The following PTPRD variants were observed in gnomAD, a reference collection of about 807,000 sequenced individuals.
The protein encoded by PTPRD is receptor-type tyrosine-protein phosphatase delta.
PTPRD carries 34 observed loss-of-function variants against 214.5 expected under a neutral mutation model. The observed-to-expected ratio is 0.16, with a 90% CI of 0.12 to 0.21. PTPRD has a LOEUF of 0.21. Among genes scored for constraint, PTPRD ranks in the 10% least tolerant of loss-of-function variants. PTPRD has a pLI of 1.00. For synonymous variants in PTPRD, 1,128 were observed against 845.7 expected (o/e 1.33, Z -5.79); for missense variants, 2,545 against 2,398.7 (o/e 1.06, Z -1.27).
At chr9:10,235,304 C>T (rs1186118902) in intron 3 of PTPRD, among the ~76,000 whole-genome samples, 3 of 151,950 alleles carry the variant, frequency 2.0e-5, no homozygotes, top group Non-Finnish European at 4.4e-5. Flanking sequence ...CAATGATACA[C>T]CCAGTGTGAA....
rs114156038 is a variant in PTPRD at position 8,951,759 on chromosome 9, C to T, written c.-104+66938G>A. Among the ~76,000 whole-genome samples, 923 of 152,136 alleles carry T rather than the reference C, an allele frequency of 6.1e-3. 7 individuals are homozygous for T. The highest frequency in any genetic ancestry group is 0.022 in the African/African-American group (895 of 41,524). ...TTCCCAACACTATCACCACAGCACCCAAGTTCACCCCAAGTTCTTGTGTGG... is the reference window on the plus strand; with the variant it reads ...TTCCCAACACTATCACCACAGCACCTAAGTTCACCCCAAGTTCTTGTGTGG... On this transcript the variant is annotated intron_variant, in intron 11 of 45. Coordinates refer to ENST00000381196, the MANE Select transcript of PTPRD (RefSeq NM_002839.4).
chr9:10,446,335 A>G (rs1001608771), intron 2 of PTPRD, among the ~76,000 whole-genome samples: 2 of 151,930 alleles, frequency 1.3e-5, no homozygotes, highest in African/African-American at 4.8e-5. Context: ...GGAATATTCA[A>G]AGGAGTTAGG....
At chr9:8,512,097 A>G (rs2097694416) in intron 21 of PTPRD, among the ~76,000 whole-genome samples, 2 of 152,130 alleles carry the variant, frequency 1.3e-5, no homozygotes, top group South Asian at 2.1e-4. Flanking sequence ...CAAAGATACT[A>G]GAAAACCCAT....
In PTPRD at chr9:8,316,611, A is replaced by C; in HGVS notation, c.*1263T>G. ...GACCTTTCCCACATGCACACCTCTTAGCTATTTAATAATAATTTTTATTGC... is the reference window on the plus strand; with the variant it reads ...GACCTTTCCCACATGCACACCTCTTCGCTATTTAATAATAATTTTTATTGC... On this transcript the variant is annotated 3_prime_UTR_variant, in exon 46 of 46. Transcript: ENST00000381196. 4.3e-6 allele frequency: 1 copy of C among 230,898 alleles called. No individual in the cohort carries two copies. The highest frequency in any genetic ancestry group is 8.6e-6 in the Non-Finnish European group (1 of 116,334). The allele number at this position is 230,898 out of a possible 1,614,324, so 14.3% of individuals were successfully genotyped here.
chr9:10,418,474 C>T (rs2098515402), intron 2 of PTPRD, among the ~76,000 whole-genome samples: 1 of 150,264 alleles, frequency 6.7e-6, no homozygotes, highest in Non-Finnish European at 1.5e-5. Context: ...CACACACACA[C>T]ACACACACAC....
In PTPRD at chr9:9,564,884, G is replaced by GTTTTTTTTTT. The variant is rs1191664969; in HGVS notation, c.-237+9838_-237+9847dup. 7.6e-4 allele frequency among the ~76,000 whole-genome samples: 37 copies of GTTTTTTTTTT among 48,856 alleles called. 7 individuals are homozygous for GTTTTTTTTTT. The highest frequency in any genetic ancestry group is 1.1e-3 in the African/African-American group (16 of 14,410). The allele number at this position is 48,856 out of a possible 152,430, so 32.1% of individuals were successfully genotyped here. A position where few individuals can be genotyped will look rare whatever the true frequency, so the allele number is the denominator to read the frequency against. On this transcript the variant is annotated intron_variant, in intron 8 of 45. Coordinates refer to ENST00000381196, the MANE Select transcript of PTPRD (RefSeq NM_002839.4). Reference sequence around the variant, plus strand: ...AACAAAAGAGAGACTTGAATCTTCTGTTTTTTTTTTTTTTTTTTTTTTTTT... The same window carrying GTTTTTTTTTT: ...AACAAAAGAGAGACTTGAATCTTCTGTTTTTTTTTTTTTTTTTTTTTTTTTTTTTTTTTTT...
chr9:10,295,329 C>A (rs1038164387), intron 3 of PTPRD, among the ~76,000 whole-genome samples: 1 of 152,008 alleles, frequency 6.6e-6, no homozygotes, highest in Non-Finnish European at 1.5e-5. Context: ...TCAGTTTCAC[C>A]CAAACTATAG....
chr9:10,100,736 G>T (rs1591191520), intron 3 of PTPRD, among the ~76,000 whole-genome samples: 1 of 151,734 alleles, frequency 6.6e-6, no homozygotes, highest in African/African-American at 2.4e-5. Context: ...CCTCGTAAGT[G>T]TCATGTTCTG....
At chr9:9,136,731 T>G (rs2099851538) in intron 10 of PTPRD, among the ~76,000 whole-genome samples, 2 of 152,146 alleles carry the variant, frequency 1.3e-5, no homozygotes, top group Admixed American at 6.5e-5. Flanking sequence ...GTAGATAAAT[T>G]TCTTGAAAAA....
chr9:8,545,834 T>C (rs952646650), intron 14 of PTPRD, among the ~76,000 whole-genome samples: 38 of 152,332 alleles, frequency 2.5e-4, no homozygotes, highest in African/African-American at 6.7e-4. Flanking sequence ...ATTATAGACA[T>C]ACTTTATGGT....
chr9:9,980,826 T>G (rs2095519906), intron 4 of PTPRD, among the ~76,000 whole-genome samples: 1 of 148,698 alleles, frequency 6.7e-6, no homozygotes, highest in Non-Finnish European at 1.5e-5. Flanking sequence ...TTATAGGTAG[T>G]TCACAGAAAA....
chr9:10,486,457 T>C (rs896200131), intron 2 of PTPRD, among the ~76,000 whole-genome samples: 1 of 152,190 alleles, frequency 6.6e-6, no homozygotes, highest in African/African-American at 2.4e-5. Context: ...CCATTGCTTG[T>C]TTTGGGCAGG....
At chr9:9,171,500 G>T (rs999591504) in intron 10 of PTPRD, among the ~76,000 whole-genome samples, 1 of 151,540 alleles carries the variant, frequency 6.6e-6, no homozygotes, top group African/African-American at 2.4e-5. Flanking sequence ...TGATTGAAGG[G>T]GTCTTAAATT....
intron 2 of PTPRD, among the ~76,000 whole-genome samples, chr9:10,585,611 T>C (rs2073631986): frequency 6.6e-6 from 1 of 152,064 alleles, no homozygotes; most frequent in Non-Finnish European, 1.5e-5. Flanking sequence ...TAATGTTTTA[T>C]ACGTTGCTTT....
chr9:10,600,264 A>G (rs79228149), intron 2 of PTPRD, among the ~76,000 whole-genome samples: 3,383 of 151,864 alleles, frequency 0.022, 125 homozygotes, highest in African/African-American at 0.076. Context: ...TAAATATTAA[A>G]AAAAGTTTTC....
At chr9:8,405,991 TTC>T (rs2130705091) in intron 35 of PTPRD, among the ~76,000 whole-genome samples, 1 of 152,264 alleles carries the variant, frequency 6.6e-6, no homozygotes, top group Admixed American at 6.5e-5. Context: ...CATTCTAAAA[TTC>T]TCAGCAGTAC....
intron 3 of PTPRD, among the ~76,000 whole-genome samples, chr9:10,185,231 T>C (rs1283477733): frequency 6.6e-6 from 1 of 152,174 alleles, no homozygotes; most frequent in Non-Finnish European, 1.5e-5. Context: ...ATTTACTACA[T>C]TTAATGAGAG....
intron 5 of PTPRD, among the ~76,000 whole-genome samples, chr9:9,912,768 C>A (rs989625630): frequency 6.6e-6 from 1 of 152,118 alleles, no homozygotes; most frequent in South Asian, 2.1e-4. Flanking sequence ...CCTAGACTAT[C>A]CAGATGTAAA....
intron 8 of PTPRD, among the ~76,000 whole-genome samples, chr9:9,499,795 G>C (rs1292057269): frequency 6.6e-6 from 1 of 151,998 alleles, no homozygotes; most frequent in Non-Finnish European, 1.5e-5. Flanking sequence ...CAAAAACAGT[G>C]CCTGATTTCT....
Sources: allele counts gnomAD v4.1 joint callset (sites outside exome capture counted in the v4.1 genomes callset), GRCh38; gene constraint gnomAD v4.1.1; transcripts MANE v1.5; gene names NCBI Gene and HGNC (gene_info 2026-07-23, HGNC 2026-07-21).